ATRNL1: variants seen among roughly 807,000 people sequenced by gnomAD.
The protein encoded by ATRNL1 is attractin-like protein 1.
A neutral mutation model predicts 182.7 loss-of-function variants in ATRNL1; 95 were observed. That is an observed-to-expected ratio of 0.52 (90% CI 0.44 to 0.62). The LOEUF (loss-of-function observed/expected upper bound fraction) is 0.62, where lower values mean the gene tolerates loss of function less well. Ranked by LOEUF, ATRNL1 falls within the 20% of genes least tolerant of loss-of-function variation. ATRNL1 has a pLI of 0.00. For missense variants in ATRNL1, 1,471 were observed against 1,679.5 expected (o/e 0.88, Z 2.17); for synonymous variants, 576 against 568.3 (o/e 1.01, Z -0.19).
chr10:115,825,357 C>A (rs2134294850), intron 27 of ATRNL1, among the ~76,000 whole-genome samples: 1 of 152,176 alleles, frequency 6.6e-6, no homozygotes, highest in Middle Eastern at 3.4e-3. Context: ...GTACAGCAAA[C>A]CACATGACAC....
In ATRNL1 at chr10:115,817,822, A is replaced by G. The variant is rs978030583; in HGVS notation, c.3904-30055A>G. On this transcript the variant is annotated intron_variant, in intron 27 of 28. Coordinates refer to ENST00000355044, the MANE Select transcript of ATRNL1 (RefSeq NM_207303.4). ...GAGATATTTTAATTGAGCCTATGAC[A>G]TAGGCTACTTTCCCAAATACAAAAT... Among the ~76,000 whole-genome samples the G allele has an allele frequency of 3.3e-5, 5 of 149,844 alleles. No individual in the cohort carries two copies. The Admixed American group carries it at 3.3e-4, about 10-fold the overall frequency.
intron 8 of ATRNL1, among the ~76,000 whole-genome samples, chr10:115,186,673 T>C (rs1847953373): frequency 6.6e-6 from 1 of 151,936 alleles, no homozygotes; most frequent in Non-Finnish European, 1.5e-5. Context: ...GATAGAAAAA[T>C]GATGGTTACT....
intron 24 of ATRNL1, among the ~76,000 whole-genome samples, chr10:115,475,726 G>A (rs1394887068): frequency 6.6e-6 from 1 of 151,292 alleles, no homozygotes; most frequent in Non-Finnish European, 1.5e-5. Flanking sequence ...GTTCTAAATT[G>A]TAAATAGATG....
At chr10:115,660,565 T>A (rs1478235546) in intron 26 of ATRNL1, among the ~76,000 whole-genome samples, 1 of 152,020 alleles carries the variant, frequency 6.6e-6, no homozygotes, top group Admixed American at 6.6e-5. Context: ...TGTATCATAT[T>A]CTAAGGCAAG....
intron 26 of ATRNL1, among the ~76,000 whole-genome samples, chr10:115,653,118 C>T (rs538400215): frequency 2.6e-5 from 4 of 152,150 alleles, no homozygotes; most frequent in African/African-American, 7.2e-5. Context: ...AAGTAAAACC[C>T]TTCAGATTTA....
intron 8 of ATRNL1, among the ~76,000 whole-genome samples, chr10:115,199,466 A>G (rs1419280481): frequency 2.0e-5 from 3 of 152,030 alleles, no homozygotes; most frequent in African/African-American, 7.2e-5. Context: ...TGGGAGGCTG[A>G]GGCAGGAGAA....
rs146264994 is a variant in ATRNL1, at chr10:115,101,984, A to G, written c.293+7941A>G. Among the ~76,000 whole-genome samples the G allele has an allele frequency of 3.9e-5, 6 of 152,244 alleles. No homozygotes were observed. In the East Asian group the frequency reaches 7.7e-4, roughly 20 times the overall value. ...GTGTGAAAATAATGTGTATTCTTCTATTGATGGGTGGAGTGTTGTATACAT... is the reference window on the plus strand; with the variant it reads ...GTGTGAAAATAATGTGTATTCTTCTGTTGATGGGTGGAGTGTTGTATACAT... On this transcript the variant is annotated intron_variant, in intron 1 of 28. Transcript: ENST00000355044.
chr10:115,639,187 A>G (rs1859076288), intron 26 of ATRNL1, among the ~76,000 whole-genome samples: 1 of 152,212 alleles, frequency 6.6e-6, no homozygotes, highest in Non-Finnish European at 1.5e-5. Flanking sequence ...ACCAATTTGA[A>G]TGTCAGCAAA....
At chr10:115,824,464 A>G (rs1245990801) in intron 27 of ATRNL1, among the ~76,000 whole-genome samples, 1 of 152,164 alleles carries the variant, frequency 6.6e-6, no homozygotes, top group African/African-American at 2.4e-5. Context: ...TGCACAGCAA[A>G]GGAAACTATC....
In ATRNL1 at chr10:115,441,175, A is replaced by G. The variant is rs114932686; in HGVS notation, c.3322+14873A>G. Among the ~76,000 whole-genome samples the G allele has an allele frequency of 3.3e-3, 496 of 151,988 alleles. 1 individual carries two copies. Among genetic ancestry groups the G allele is most frequent in the African/African-American group, 0.01 (418 of 41,534 alleles). ...GACTTTGCTCTTCCATTTCTGCTTT[A>G]TCAACAGTTGCTTAGACTCTACTGG... On this transcript the variant is annotated intron_variant, in intron 21 of 28. Transcript: ENST00000355044.
intron 26 of ATRNL1, among the ~76,000 whole-genome samples, chr10:115,691,330 G>T (rs762396315): frequency 2.6e-5 from 4 of 152,122 alleles, no homozygotes; most frequent in Non-Finnish European, 5.9e-5. Context: ...CAAGTGTGAG[G>T]TGATAGCTCA....
At chr10:115,612,758 T>C (rs1273412659) in intron 26 of ATRNL1, among the ~76,000 whole-genome samples, 1 of 152,226 alleles carries the variant, frequency 6.6e-6, no homozygotes, top group East Asian at 1.9e-4. Context: ...GTAATAGTTC[T>C]TATCATAGGC....
intron 6 of ATRNL1, among the ~76,000 whole-genome samples, chr10:115,161,332 C>A (rs1795213039): frequency 6.6e-6 from 1 of 151,686 alleles, no homozygotes; most frequent in South Asian, 2.1e-4. Context: ...AATTTTTTAA[C>A]ATGAAGAATA....
At chr10:115,771,009 T>C (rs879968070) in intron 27 of ATRNL1, among the ~76,000 whole-genome samples, 1 of 152,156 alleles carries the variant, frequency 6.6e-6, no homozygotes, top group Admixed American at 6.5e-5. Flanking sequence ...AATTGCAATT[T>C]TATGAGACAA....
At chr10:115,839,703 C>T (rs1231882250) in intron 27 of ATRNL1, among the ~76,000 whole-genome samples, 1 of 152,174 alleles carries the variant, frequency 6.6e-6, no homozygotes, top group Non-Finnish European at 1.5e-5. Context: ...CATAACTCTT[C>T]CAGTGCATTC....
intron 22 of ATRNL1, among the ~76,000 whole-genome samples, chr10:115,466,911 T>C (rs1038159527): frequency 6.6e-6 from 1 of 150,998 alleles, no homozygotes; most frequent in African/African-American, 2.4e-5. Flanking sequence ...AATAAAAATA[T>C]TAAATTACAG....
At chr10:115,463,482 A>G (rs74846590) in intron 22 of ATRNL1, among the ~76,000 whole-genome samples, 274 of 152,294 alleles carry the variant, frequency 1.8e-3, no homozygotes, top group Non-Finnish European at 3.2e-3. Flanking sequence ...TACCTGCATT[A>G]TAATTACCAT....
intron 20 of ATRNL1, among the ~76,000 whole-genome samples, chr10:115,421,897 G>T (rs575071514): frequency 6.6e-6 from 1 of 151,968 alleles, no homozygotes; most frequent in East Asian, 1.9e-4. Flanking sequence ...TTCTGCATAG[G>T]TACAACTATC....
At chr10:115,692,365 C>A (rs1946421316) in intron 26 of ATRNL1, among the ~76,000 whole-genome samples, 1 of 151,968 alleles carries the variant, frequency 6.6e-6, no homozygotes, top group African/African-American at 2.4e-5. Context: ...CAAGATTGTG[C>A]AGGAATTTGA....
Sources: allele counts gnomAD v4.1 joint callset (sites outside exome capture counted in the v4.1 genomes callset), GRCh38; gene constraint gnomAD v4.1.1; transcripts MANE v1.5; gene names NCBI Gene and HGNC (gene_info 2026-07-23, HGNC 2026-07-21).